Variants in RBFOX1 observed in about 807,000 individuals in gnomAD.
RBFOX1 encodes RNA binding fox-1 homolog 1, also known as RNA binding protein fox-1 homolog 1.
Under a neutral mutation model 57.7 loss-of-function variants are expected in RBFOX1, and 8 were observed. The observed-to-expected ratio is 0.14, with a 90% CI of 0.08 to 0.25. RBFOX1 has a LOEUF of 0.25. Ranked by LOEUF, RBFOX1 falls within the 10% of genes least tolerant of loss-of-function variation. RBFOX1 has a pLI of 1.00. For missense variants in RBFOX1, 611 were observed against 548.5 expected (o/e 1.11, Z -1.14); for synonymous variants, 326 against 222.4 (o/e 1.47, Z -4.15).
chr16:6,510,878 G>A (rs902704356), intron 2 of RBFOX1, among the ~76,000 whole-genome samples: 1 of 145,714 alleles, frequency 6.9e-6, no homozygotes, highest in Non-Finnish European at 1.5e-5. Context: ...GGAAAAAAAG[G>A]TATGCCCTCT....
In RBFOX1 at chr16:5,984,015, TTTCTTCC is replaced by T. The variant is rs1398250359; in HGVS notation, c.351+116694_351+116700del. 1.2e-3 allele frequency among the ~76,000 whole-genome samples: 157 copies of T among 134,600 alleles called. 1 individual carries two copies. Among genetic ancestry groups the T allele is most frequent in the Middle Eastern group, 4.5e-3 (1 of 220 alleles). 88.3% of individuals were successfully genotyped at this position (134,600 alleles called of 152,430 possible). A position where few individuals can be genotyped will look rare whatever the true frequency, so the allele number is the denominator to read the frequency against. ...CATTCTTCTTCTTCTCCTTCCTCCT[TTTCTTCC>T]TTCTTCCTTCTTCTTCCTCCTCTTC... On this transcript the variant is annotated intron_variant, in intron 4 of 19. Coordinates refer to the RBFOX1 transcript ENST00000641259.
intron 4 of RBFOX1, among the ~76,000 whole-genome samples, chr16:7,456,005 G>A (rs945564695): frequency 6.6e-6 from 1 of 152,078 alleles, no homozygotes; most frequent in South Asian, 2.1e-4. Flanking sequence ...CAGCTTTAAG[G>A]GCACATTCCC....
chr16:6,780,413 T>TAG lies in RBFOX1; in HGVS notation c.-16+125764_-16+125765insGA, dbSNP rs1375388981. The stretch of plus-strand genomic sequence containing the variant: ...TTATATATATTTTTATATATATTTA[T>TAG]ATATATTTATATATATTTATAGATA... On this transcript the variant is annotated intron_variant, in intron 3 of 15. Coordinates refer to ENST00000550418, the MANE Select transcript of RBFOX1 (RefSeq NM_018723.4). 3.3e-4 allele frequency among the ~76,000 whole-genome samples: 38 copies of TAG among 114,448 alleles called. 2 individuals are homozygous for TAG. In the South Asian group the frequency reaches 9.4e-3, roughly 28 times the overall value. 75.1% of individuals were successfully genotyped at this position (114,448 alleles called of 152,430 possible).
chr16:7,602,938 C>T (rs1596335218), intron 9 of RBFOX1, among the ~76,000 whole-genome samples: 2 of 152,136 alleles, frequency 1.3e-5, no homozygotes, highest in Non-Finnish European at 2.9e-5. Context: ...AGAGGAACTT[C>T]AGAAACTGTA....
intron 3 of RBFOX1, among the ~76,000 whole-genome samples, chr16:6,834,306 C>CCTTA (rs2141169671): frequency 6.6e-6 from 1 of 152,142 alleles, no homozygotes; most frequent in Admixed American, 6.5e-5. Context: ...AAACTCCCAA[C>CCTTA]CTTAAGTGAT....
At chr16:7,063,780 G>A (rs1734193265) in intron 4 of RBFOX1, among the ~76,000 whole-genome samples, 1 of 152,158 alleles carries the variant, frequency 6.6e-6, no homozygotes, top group African/African-American at 2.4e-5. Flanking sequence ...TAAACATTCT[G>A]GATAATAACT....
At chr16:5,465,607 A>C (rs74807094) in intron 1 of RBFOX1, among the ~76,000 whole-genome samples, 1,609 of 152,254 alleles carry the variant, frequency 0.011, 27 homozygotes, top group African/African-American at 0.036. Context: ...ACTCCTCTTC[A>C]TGCAGCTGAG....
chr16:6,261,166 G>C (rs889519592), intron 1 of RBFOX1, among the ~76,000 whole-genome samples: 4 of 152,198 alleles, frequency 2.6e-5, no homozygotes, highest in South Asian at 2.1e-4. Context: ...GTTGTGAACA[G>C]ATGACTGCAA....
intron 2 of RBFOX1, among the ~76,000 whole-genome samples, chr16:6,354,511 C>T (rs564913991): frequency 3.3e-5 from 5 of 152,160 alleles, no homozygotes; most frequent in Non-Finnish European, 7.3e-5. Flanking sequence ...TTCAGAGGCT[C>T]AAGGTCAAAC....
chr16:5,241,993 C>T (rs1290634235), intron 1 of RBFOX1, among the ~76,000 whole-genome samples: 1 of 151,962 alleles, frequency 6.6e-6, no homozygotes, highest in East Asian at 1.9e-4. Flanking sequence ...TGTGTGCCTG[C>T]AGTCCCAAGT....
chr16:5,399,797 C>A (rs752904916), intron 1 of RBFOX1, among the ~76,000 whole-genome samples: 1 of 151,922 alleles, frequency 6.6e-6, no homozygotes, highest in Non-Finnish European at 1.5e-5. Context: ...AATCTCATCC[C>A]CAGTTTTGTC....
At chr16:7,044,818 A>G (rs2047352360) in intron 3 of RBFOX1, among the ~76,000 whole-genome samples, 1 of 152,156 alleles carries the variant, frequency 6.6e-6, no homozygotes, top group Admixed American at 6.5e-5. Context: ...TCTTCATCAC[A>G]GACTGTAGGG....
At chr16:6,140,747 G>A (rs563368290) in intron 1 of RBFOX1, among the ~76,000 whole-genome samples, 2 of 152,242 alleles carry the variant, frequency 1.3e-5, no homozygotes, top group South Asian at 2.1e-4. Flanking sequence ...TGGCCCAGGA[G>A]TACCTCATCC....
chr16:6,661,370 T>C (rs1337358518), intron 3 of RBFOX1, among the ~76,000 whole-genome samples: 1 of 152,058 alleles, frequency 6.6e-6, no homozygotes, highest in African/African-American at 2.4e-5. Context: ...GAACATGGTA[T>C]GTTTATGGCG....
intron 3 of RBFOX1, among the ~76,000 whole-genome samples, chr16:6,777,704 T>C (rs572873094): frequency 6.6e-6 from 1 of 152,284 alleles, no homozygotes; most frequent in South Asian, 2.1e-4. Flanking sequence ...TCTTATGCAT[T>C]CTGATGGAGC....
intron 1 of RBFOX1, among the ~76,000 whole-genome samples, chr16:5,315,750 C>G (rs1014442740): frequency 6.6e-6 from 1 of 152,144 alleles, no homozygotes; most frequent in Non-Finnish European, 1.5e-5. Flanking sequence ...CTGCATTGCT[C>G]CCTTCTGAAG....
chr16:6,101,788 A>G (rs2096312316), intron 1 of RBFOX1, among the ~76,000 whole-genome samples: 1 of 152,124 alleles, frequency 6.6e-6, no homozygotes, highest in Non-Finnish European at 1.5e-5. Context: ...ATTGTCCTGG[A>G]ACACTCCTAC....
intron 3 of RBFOX1, among the ~76,000 whole-genome samples, chr16:6,781,854 C>T (rs1448842956): frequency 6.6e-6 from 1 of 152,018 alleles, no homozygotes; most frequent in African/African-American, 2.4e-5. Flanking sequence ...TTTTTATTTT[C>T]CAAAAACAAG....
intron 4 of RBFOX1, among the ~76,000 whole-genome samples, chr16:5,971,044 G>A (rs2059951540): frequency 6.6e-6 from 1 of 152,196 alleles, no homozygotes; most frequent in Non-Finnish European, 1.5e-5. Context: ...TGCTCCCTGT[G>A]TGAGCTGACA....
Sources: allele counts gnomAD v4.1 joint callset (sites outside exome capture counted in the v4.1 genomes callset), GRCh38; gene constraint gnomAD v4.1.1; transcripts MANE v1.5; gene names NCBI Gene and HGNC (gene_info 2026-07-23, HGNC 2026-07-21).